Variants in PECR observed in about 807,000 individuals in gnomAD.
PECR encodes the protein peroxisomal trans-2-enoyl-CoA reductase, also known as 2,4-dienoyl-CoA reductase-related protein.
Under a neutral mutation model 35.3 loss-of-function variants are expected in PECR, and 30 were observed. The ratio of observed to expected loss-of-function variants is 0.85; its 90% CI spans 0.64 to 1.15. PECR has a LOEUF of 1.15. Among genes scored for constraint, PECR ranks in the 50% most tolerant of loss-of-function variants. PECR has a pLI of 0.00. For missense variants in PECR, 392 were observed against 370.8 expected (o/e 1.06, Z -0.47); for synonymous variants, 148 against 138.9 (o/e 1.07, Z -0.46).
rs59623283 is a variant in PECR at position 216,048,843 on chromosome 2, C to CAAAAA, written c.714+415_714+419dup. ...TAACAGAGTGAAACACTGTCTCAAG[C>CAAAAA]AAAAAAAAAAAAAAAAAAAAAAACC... On this transcript the variant is annotated intron_variant, in intron 6 of 7. Coordinates refer to ENST00000265322, the MANE Select transcript of PECR (RefSeq NM_018441.6). Among the ~76,000 whole-genome samples the CAAAAA allele has an allele frequency of 4.9e-4, 36 of 74,020 alleles. 1 individual carries two copies. Among genetic ancestry groups the CAAAAA allele is most frequent in the South Asian group, 1.1e-3 (2 of 1,894 alleles). 48.6% of individuals were successfully genotyped at this position (74,020 alleles called of 152,430 possible).
At chr2:216,031,428 GAAAAGAAAGAAAGA>G (rs1388935534) in intron 7 of PECR, among the ~76,000 whole-genome samples, 3 of 56,864 alleles carry the variant, frequency 5.3e-5, no homozygotes, top group African/African-American at 5.1e-5. Flanking sequence ...AAGAAAGAAA[GAAAAGAAAGAAAGA>G]AAAAGAAAGA....
chr2:216,040,191 G>C (rs1694862816), intron 7 of PECR, among the ~76,000 whole-genome samples: 1 of 152,194 alleles, frequency 6.6e-6, no homozygotes, highest in Non-Finnish European at 1.5e-5. Context: ...TTATGTGCCA[G>C]CGAATTCCTT....
downstream of PECR, among the ~76,000 whole-genome samples, chr2:216,037,653 G>A (rs1387632616): frequency 1.3e-5 from 2 of 152,078 alleles, no homozygotes; most frequent in Non-Finnish European, 2.9e-5. Context: ...CCTGACAATG[G>A]AGAATAGCTC....
At chr2:216,074,819 TGA>T (rs1324387986) in intron 1 of PECR, among the ~76,000 whole-genome samples, 1 of 152,172 alleles carries the variant, frequency 6.6e-6, no homozygotes, top group Admixed American at 6.5e-5. Context: ...TAGACAAACT[TGA>T]ACTAGGGTGC....
At chr2:216,060,401 C>A (rs1165096981) in intron 3 of PECR, among the ~76,000 whole-genome samples, 1 of 152,182 alleles carries the variant, frequency 6.6e-6, no homozygotes, top group Non-Finnish European at 1.5e-5. Flanking sequence ...GTGGCTCACA[C>A]CCGTAATCCC....
intron 6 of PECR, among the ~76,000 whole-genome samples, chr2:216,046,014 T>C (rs540971508): frequency 3.6e-4 from 55 of 150,788 alleles, no homozygotes; most frequent in Non-Finnish European, 6.0e-4. Context: ...CTGTCTCTAC[T>C]AAAAATACAA....
chr2:216,078,821 T>C (rs1321698784), intron 1 of PECR, among the ~76,000 whole-genome samples: 1 of 152,190 alleles, frequency 6.6e-6, no homozygotes, highest in East Asian at 1.9e-4. Flanking sequence ...ATCACCTTAT[T>C]CCAGGGGTGT....
Position 216,047,983 on chromosome 2 carries a change from ATTT to A in PECR, c.714+1277_714+1279del, listed in dbSNP as rs34079201. ...GCCTACTGCCCTAAGGAGGCAGGTG[ATTT>A]TTTTTTTTTTTCATTTAGAGGTAAG... On this transcript the variant is annotated intron_variant, in intron 6 of 7. Transcript: ENST00000265322. Among the ~76,000 whole-genome samples the A allele has an allele frequency of 6.3e-3, 848 of 134,850 alleles. 12 individuals are homozygous for A. Among genetic ancestry groups the A allele is most frequent in the African/African-American group, 0.023 (803 of 35,648 alleles). The allele number at this position is 134,850 out of a possible 152,430, so 88.5% of individuals were successfully genotyped here. A position where few individuals can be genotyped will look rare whatever the true frequency, so the allele number is the denominator to read the frequency against.
chr2:216,052,182 T>A (rs565484296), intron 4 of PECR, among the ~76,000 whole-genome samples: 1 of 152,256 alleles, frequency 6.6e-6, no homozygotes, highest in African/African-American at 2.4e-5. Context: ...TGAGACTCCA[T>A]CTCAAAAATA....
intron 1 of PECR, among the ~76,000 whole-genome samples, chr2:216,079,891 G>A (rs184521985): frequency 6.8e-6 from 1 of 146,186 alleles, no homozygotes; most frequent in Non-Finnish European, 1.5e-5. Context: ...TGAGGCAGGA[G>A]AATCGCTTGA....
At chr2:216,066,307 C>G in intron 2 of PECR, 78 bp downstream of exon 2, 2 of 1,235,378 alleles carry the variant, frequency 1.6e-6, no homozygotes, top group Non-Finnish European at 2.4e-6. Flanking sequence ...ATAGGAGAAC[C>G]TGAAGCATAG....
At chr2:216,031,691 G>GAGAGAAAGAAAGAAAGAAAGAAAGAA (rs1694712087) in intron 7 of PECR, among the ~76,000 whole-genome samples, 5 of 61,102 alleles carry the variant, frequency 8.2e-5, no homozygotes, top group Admixed American at 4.1e-4. Flanking sequence ...AAGAAAGAAA[G>GAGAGAAAGAAAGAAAGAAAGAAAGAA]AGAAAGAAAG....
intron 1 of PECR, among the ~76,000 whole-genome samples, chr2:216,068,636 A>C (rs1044805018): frequency 6.6e-6 from 1 of 151,886 alleles, no homozygotes; most frequent in Non-Finnish European, 1.5e-5. Flanking sequence ...GAGAACTAAA[A>C]ATGGTTCGTG....
chr2:216,048,086 A>C (rs1695030579), intron 6 of PECR, among the ~76,000 whole-genome samples: 1 of 135,294 alleles, frequency 7.4e-6, no homozygotes, highest in Non-Finnish European at 1.6e-5. Context: ...ATTTTATTTT[A>C]TTTTTTGAGA....
At chr2:216,047,450 T>C (rs1438540343) in intron 6 of PECR, among the ~76,000 whole-genome samples, 1 of 152,136 alleles carries the variant, frequency 6.6e-6, no homozygotes, top group African/African-American at 2.4e-5. Flanking sequence ...TAATACAGGA[T>C]AGGGAGTCTA....
At chr2:216,066,890 G>T (rs1475435774) in intron 1 of PECR, among the ~76,000 whole-genome samples, 1 of 152,078 alleles carries the variant, frequency 6.6e-6, no homozygotes, top group Non-Finnish European at 1.5e-5. Context: ...GCTGAATTAG[G>T]ATTTTTGCTT....
In PECR at chr2:216,051,511, G is replaced by A. The variant is rs759087716; in HGVS notation, c.541C>T (p.Leu181Phe). 10 of 1,612,494 alleles carry A rather than the reference G, an allele frequency of 6.2e-6. No homozygotes were observed. In the East Asian group the frequency reaches 6.7e-5, roughly 11 times the overall value. Reference protein sequence around the residue: ...SGAARAGVYNLTKSLALEWAC... With the variant: ...SGAARAGVYNFTKSLALEWAC... ...CATTCCAAAGCTAAAGATTTGGTGA[G>A]GTTGTAAACACCTGCTCTTGCAGCT... The change falls in exon 5 of 8, where the codon CTC becomes TTC. Residue 181 changes from leucine (L) to phenylalanine (F), a missense_variant. By Grantham distance (22) the Leu-to-Phe change is conservative. Transcript: ENST00000265322.
At chr2:216,045,301 C>T (rs187379906) in intron 6 of PECR, among the ~76,000 whole-genome samples, 171 of 152,352 alleles carry the variant, frequency 1.1e-3, no homozygotes, top group African/African-American at 3.9e-3. Context: ...GGCCATTAGA[C>T]ATAGTCGCCT....
At chr2:216,052,222 C>T (rs1356226599) in intron 4 of PECR, among the ~76,000 whole-genome samples, 2 of 152,014 alleles carry the variant, frequency 1.3e-5, no homozygotes, top group East Asian at 1.9e-4. Context: ...TGTAGATAGA[C>T]ACCATGGCTT....
Sources: gnomAD v4.1 joint callset for allele counts (sites outside exome capture counted in the v4.1 genomes callset) on GRCh38, gnomAD v4.1.1 for gene constraint, MANE v1.5 for transcripts, NCBI Gene and HGNC (gene_info 2026-07-23, HGNC 2026-07-21) for gene names.